NPEPPS: variants seen among roughly 807,000 people sequenced by gnomAD.
NPEPPS encodes aminopeptidase puromycin sensitive, also known as puromycin-sensitive aminopeptidase.
In NPEPPS, 14 loss-of-function variants were observed where a neutral mutation model predicts 115.5. The ratio of observed to expected loss-of-function variants is 0.12; its 90% CI spans 0.08 to 0.19. The LOEUF (loss-of-function observed/expected upper bound fraction) is 0.19. Among genes scored for constraint, NPEPPS ranks in the 10% least tolerant of loss-of-function variants. The pLI is 1.00. For missense variants in NPEPPS, 523 were observed against 1,110.8 expected (o/e 0.47, Z 7.52); for synonymous variants, 285 against 390.6 (o/e 0.73, Z 3.19).
At chr17:47,593,402 C>A (rs1291091402) in intron 12 of NPEPPS, among the ~76,000 whole-genome samples, 1 of 151,894 alleles carries the variant, frequency 6.6e-6, no homozygotes, top group Non-Finnish European at 1.5e-5. Context: ...ACAAAAAATA[C>A]AAAAATATTA....
At chr17:47,542,312 C>G (rs527363311) in intron 1 of NPEPPS, among the ~76,000 whole-genome samples, 1 of 151,746 alleles carries the variant, frequency 6.6e-6, no homozygotes, top group Non-Finnish European at 1.5e-5. Flanking sequence ...TTTGGGAGGC[C>G]GAGGCGGGCA....
intron 8 of NPEPPS, 102 bp downstream of exon 8, chr17:47,586,500 G>A: frequency 4.8e-6 from 4 of 841,090 alleles, no homozygotes; most frequent in East Asian, 2.8e-5. Context: ...TTACGATATG[G>A]TGTAAATTTT....
chr17:47,567,763 T>C (rs1414336416), intron 2 of NPEPPS, among the ~76,000 whole-genome samples: 3 of 152,170 alleles, frequency 2.0e-5, no homozygotes, highest in African/African-American at 4.8e-5. Context: ...TGCCCTGTTA[T>C]GGACAAATAT....
At chr17:47,541,463 G>A (rs796323417) in intron 1 of NPEPPS, among the ~76,000 whole-genome samples, 1 of 151,302 alleles carries the variant, frequency 6.6e-6, no homozygotes. Context: ...TGCAACCTCC[G>A]CCTCCTGGGT....
At chr17:47,576,228 A>G in intron 3 of NPEPPS, among the ~76,000 whole-genome samples, 1 of 152,182 alleles carries the variant, frequency 6.6e-6, no homozygotes. Flanking sequence ...GAGGGTCCTA[A>G]GGGTGGCATT....
chr17:47,598,577 C>T (rs551019443), intron 13 of NPEPPS, among the ~76,000 whole-genome samples: 3 of 152,200 alleles, frequency 2.0e-5, no homozygotes, highest in South Asian at 2.1e-4. Context: ...CTGGGTAACA[C>T]GGCAAGATGC....
At position 47,622,093 on chromosome 17, in the gene NPEPPS, G is replaced by A; in HGVS notation, c.*173G>A. 2 of 1,267,270 alleles carry A rather than the reference G, an allele frequency of 1.6e-6. No individual in the cohort carries two copies. Among genetic ancestry groups the A allele is most frequent in the Non-Finnish European group, 9.9e-7 (1 of 1,005,580 alleles). The allele number at this position is 1,267,270 out of a possible 1,614,324, so 78.5% of individuals were successfully genotyped here. On this transcript the variant is annotated 3_prime_UTR_variant, in exon 23 of 23. Coordinates refer to ENST00000322157, the MANE Select transcript of NPEPPS (RefSeq NM_006310.4). ...TCACACTCCAGAATTAAATTCTATT[G>A]AAAAAGGAAAATCAGCAATTCAGCA...
Position 47,613,861 on chromosome 17 carries a change from CTG to C in NPEPPS, c.2295+139_2295+140del, listed in dbSNP as rs374006362. 7.1e-4 allele frequency: 433 copies of C among 608,362 alleles called. 1 individual carries two copies. The East Asian group carries it at 0.011, about 15-fold the overall frequency. The allele number at this position is 608,362 out of a possible 1,614,324, so 37.7% of individuals were successfully genotyped here. On this transcript the variant is annotated intron_variant, in intron 19 of 22. Transcript: ENST00000322157. Reference sequence around the variant, plus strand: ...TTGTAGACATGCAAGTATTTTAAAACTGTGAGAGAATTATGTCTATCCATATA... The same window carrying C: ...TTGTAGACATGCAAGTATTTTAAAACTGAGAGAATTATGTCTATCCATATA...
At chr17:47,619,708 A>G in intron 21 of NPEPPS, 29 bp from the exon 22 acceptor site, 1 of 1,600,150 alleles carries the variant, frequency 6.2e-7, no homozygotes. Context: ...TCTTGGTTTC[A>G]CTTACTGTTT....
intron 17 of NPEPPS, among the ~76,000 whole-genome samples, chr17:47,608,761 G>GTT (rs1913670293): frequency 6.7e-6 from 1 of 149,480 alleles, no homozygotes; most frequent in African/African-American, 2.6e-5. Context: ...CCAGGAGAGA[G>GTT]GGGGGGTATC....
At chr17:47,559,680 C>T in intron 2 of NPEPPS, 1 of 455,346 alleles carries the variant, frequency 2.2e-6, no homozygotes, top group South Asian at 1.6e-5. Context: ...TCTTGTTCAT[C>T]TTTCCTGGTA....
At chr17:47,578,163 CTG>C (rs1397323828) in intron 3 of NPEPPS, among the ~76,000 whole-genome samples, 4 of 150,346 alleles carry the variant, frequency 2.7e-5, no homozygotes, top group African/African-American at 7.4e-5. Context: ...GATCACACCA[CTG>C]TACTCCAGCC....
At position 47,531,375 on chromosome 17, in the gene NPEPPS, CCTT is replaced by C. The variant is rs1442408705; in HGVS notation, c.78_80del (p.Leu27del). The C allele has an allele frequency of 3.2e-6, 5 of 1,539,616 alleles. No homozygotes were observed. In the Admixed American group the frequency reaches 5.9e-5, roughly 18 times the overall value. ...TCGGCCCTCCGCCTCCTCCCCTCCT[CCTT>C]CTCGTCTTCAGCCGCTCCTCTCGCC... On this transcript the variant is annotated inframe_deletion, in exon 1 of 23. Coordinates refer to ENST00000322157, the MANE Select transcript of NPEPPS (RefSeq NM_006310.4).
intron 13 of NPEPPS, among the ~76,000 whole-genome samples, chr17:47,597,047 C>T (rs1362046495): frequency 7.7e-6 from 1 of 130,710 alleles, no homozygotes; most frequent in Non-Finnish European, 1.6e-5. Context: ...GACTTCGTCT[C>T]AAAAAAAAAA....
At chr17:47,542,974 TA>T (rs879813668) in intron 1 of NPEPPS, among the ~76,000 whole-genome samples, 4 of 151,586 alleles carry the variant, frequency 2.6e-5, no homozygotes, top group East Asian at 2.0e-4. Context: ...CCATCTCTAC[TA>T]AAAATACAAA....
At position 47,622,073 on chromosome 17, in the gene NPEPPS, C is replaced by T. The variant is rs1342117959; in HGVS notation, c.*153C>T. 11 of 1,269,318 alleles carry T rather than the reference C, an allele frequency of 8.7e-6. No individual in the cohort carries two copies. Among genetic ancestry groups the T allele is most frequent in the Non-Finnish European group, 1.1e-5 (11 of 1,005,808 alleles). The allele number at this position is 1,269,318 out of a possible 1,614,324, so 78.6% of individuals were successfully genotyped here. On this transcript the variant is annotated 3_prime_UTR_variant, in exon 23 of 23. Coordinates refer to ENST00000322157, the MANE Select transcript of NPEPPS (RefSeq NM_006310.4). ...TGTAGTTAACTGGTTCCTGCTCACA[C>T]TCCAGAATTAAATTCTATTGAAAAA...
chr17:47,543,806 A>G (rs945091512), intron 1 of NPEPPS, among the ~76,000 whole-genome samples: 1 of 152,172 alleles, frequency 6.6e-6, no homozygotes, highest in Non-Finnish European at 1.5e-5. Context: ...AAAGTCCACT[A>G]TTAGGTTCCT....
intron 1 of NPEPPS, among the ~76,000 whole-genome samples, chr17:47,535,577 G>A (rs1031656332): frequency 3.4e-5 from 5 of 148,540 alleles, no homozygotes; most frequent in Non-Finnish European, 7.4e-5. Flanking sequence ...AAAATTAGTT[G>A]TCTTTCACAT....
intron 1 of NPEPPS, among the ~76,000 whole-genome samples, chr17:47,524,933 TGGAC>T (rs1177709379): frequency 1.3e-5 from 2 of 151,132 alleles, no homozygotes; most frequent in African/African-American, 4.9e-5. Flanking sequence ...TTGATATATA[TGGAC>T]TTCCATAGGT....
Sources: gnomAD v4.1 joint callset for allele counts (sites outside exome capture counted in the v4.1 genomes callset) on GRCh38, gnomAD v4.1.1 for gene constraint, MANE v1.5 for transcripts, NCBI Gene and HGNC (gene_info 2026-07-23, HGNC 2026-07-21) for gene names.